Variants in PCDH15 observed in about 807,000 individuals in gnomAD.
The protein encoded by PCDH15 is protocadherin related 15.
A neutral mutation model predicts 178.5 loss-of-function variants in PCDH15; 129 were observed. The ratio of observed to expected loss-of-function variants is 0.72; its 90% CI spans 0.63 to 0.84. PCDH15 has a LOEUF of 0.84. PCDH15 is among the 40% of genes least tolerant of loss of function. The pLI is 0.00. For synonymous variants in PCDH15, 800 were observed against 732.0 expected (o/e 1.09, Z -1.50); for missense variants, 2,230 against 2,099.9 (o/e 1.06, Z -1.21).
At chr10:55,224,670 A>C (rs764876640) in intron 1 of PCDH15, among the ~76,000 whole-genome samples, 1 of 152,096 alleles carries the variant, frequency 6.6e-6, no homozygotes, top group Non-Finnish European at 1.5e-5. Context: ...GGGGCTCAAT[A>C]AATACTCACT....
At chr10:53,878,707 G>C (rs968167401) in intron 26 of PCDH15, among the ~76,000 whole-genome samples, 55 of 151,830 alleles carry the variant, frequency 3.6e-4, no homozygotes, top group African/African-American at 1.2e-3. Flanking sequence ...AATTTTGTGT[G>C]TCCATTATAC....
At chr10:54,338,625 A>T (rs1241344691) in intron 6 of PCDH15, among the ~76,000 whole-genome samples, 1 of 152,226 alleles carries the variant, frequency 6.6e-6, no homozygotes, top group East Asian at 1.9e-4. Flanking sequence ...GGAGGACTTG[A>T]TAAAAGATGT....
intron 5 of PCDH15, among the ~76,000 whole-genome samples, chr10:54,350,430 T>C (rs1943988054): frequency 6.6e-6 from 1 of 152,204 alleles, no homozygotes; most frequent in Non-Finnish European, 1.5e-5. Context: ...CATTCATATG[T>C]AAAATGCAAC....
At chr10:55,130,300 T>A (rs58407539) in intron 2 of PCDH15, among the ~76,000 whole-genome samples, 14,790 of 152,044 alleles carry the variant, frequency 0.097, 862 homozygotes, top group African/African-American at 0.16. Flanking sequence ...GTCATGCTTG[T>A]ATCTGGGGAG....
intron 11 of PCDH15, among the ~76,000 whole-genome samples, chr10:54,191,957 A>C (rs1273751410): frequency 1.4e-5 from 2 of 143,366 alleles, no homozygotes; most frequent in Admixed American, 1.4e-4. Flanking sequence ...AAAAGAAAAG[A>C]AAGAAGGAGA....
chr10:54,195,916 T>G (rs2049576555), intron 10 of PCDH15, 27 bp from the exon 11 acceptor site: 3 of 1,590,644 alleles, frequency 1.9e-6, no homozygotes, highest in Non-Finnish European at 2.6e-6. Flanking sequence ...AAGAAAATAT[T>G]TAGAAAGTAT....
At chr10:53,836,562 G>A (rs189919584) in intron 29 of PCDH15, among the ~76,000 whole-genome samples, 1 of 152,164 alleles carries the variant, frequency 6.6e-6, no homozygotes, top group Non-Finnish European at 1.5e-5. Context: ...ACCAATAAAA[G>A]AATTTTTGAA....
rs1162243245 is a variant in PCDH15 at position 54,424,136 on chromosome 10, G to C, written c.158-45194C>G. 4.0e-5 allele frequency among the ~76,000 whole-genome samples: 6 copies of C among 151,816 alleles called. 1 individual carries two copies. Among genetic ancestry groups the C allele is most frequent in the African/African-American group, 1.5e-4 (6 of 41,130 alleles). On this transcript the variant is annotated intron_variant, in intron 3 of 37. Transcript: ENST00000644397. ...TTATCTGACAAAGGGCTAATATCCA[G>C]AATCTACGAAGAACTCAAACAAATT...
At chr10:54,778,484 CCA>C in intron 1 of PCDH15, among the ~76,000 whole-genome samples, 1 of 152,164 alleles carries the variant, frequency 6.6e-6, no homozygotes, top group East Asian at 1.9e-4. Context: ...TGGAATGAAA[CCA>C]CAAAGTCTGT....
intron 1 of PCDH15, among the ~76,000 whole-genome samples, chr10:55,207,825 TG>T (rs1302169968): frequency 1.3e-5 from 2 of 151,960 alleles, no homozygotes; most frequent in Non-Finnish European, 2.9e-5. Context: ...AAAAATTAGC[TG>T]GGCGTGGTGG....
At chr10:54,702,755 C>A (rs1490643494) in intron 1 of PCDH15, among the ~76,000 whole-genome samples, 1 of 151,900 alleles carries the variant, frequency 6.6e-6, no homozygotes, top group Non-Finnish European at 1.5e-5. Flanking sequence ...CAGATATATC[C>A]ACAGCTGAAT....
rs2087064304 is a variant in PCDH15, at chr10:53,951,670, C to A, written c.3122+8062G>T. 2.6e-5 allele frequency among the ~76,000 whole-genome samples: 4 copies of A among 152,320 alleles called. No individual in the cohort carries two copies. In the South Asian group the frequency reaches 8.3e-4, roughly 32 times the overall value. ...ACAGTTGTAGAAAATGTCACAGGAT[C>A]CTTGGGATGTTGCTTTTCCAGTAGG... On this transcript the variant is annotated intron_variant, in intron 23 of 37. Transcript: ENST00000644397.
chr10:54,496,885 C>T (rs2080168719), intron 3 of PCDH15, among the ~76,000 whole-genome samples: 1 of 152,056 alleles, frequency 6.6e-6, no homozygotes, highest in Non-Finnish European at 1.5e-5. Context: ...ATAACTTTAC[C>T]CGTTCTGTAT....
intron 3 of PCDH15, among the ~76,000 whole-genome samples, chr10:54,442,919 G>A (rs1021451546): frequency 5.3e-5 from 8 of 151,384 alleles, no homozygotes; most frequent in South Asian, 4.2e-4. Context: ...TTATCCACTC[G>A]TCTTCCAACT....
chr10:53,988,758 AT>A (rs1356568997), intron 21 of PCDH15, among the ~76,000 whole-genome samples: 1 of 151,762 alleles, frequency 6.6e-6, no homozygotes, highest in East Asian at 1.9e-4. Context: ...ATTTCACTCA[AT>A]TTTCTTGGAA....
At chr10:55,180,911 G>A (rs571095475) in intron 1 of PCDH15, among the ~76,000 whole-genome samples, 6 of 152,010 alleles carry the variant, frequency 3.9e-5, no homozygotes, top group African/African-American at 7.2e-5. Flanking sequence ...TACCTTGGCT[G>A]TCATGTTCCT....
intron 2 of PCDH15, among the ~76,000 whole-genome samples, chr10:55,468,845 A>C (rs1313529417): frequency 6.6e-6 from 1 of 152,206 alleles, no homozygotes; most frequent in African/African-American, 2.4e-5. Flanking sequence ...CTTTAAAGCA[A>C]GAGAAGAATC....
chr10:54,480,494 A>T (rs951529623), intron 3 of PCDH15, among the ~76,000 whole-genome samples: 1 of 152,062 alleles, frequency 6.6e-6, no homozygotes, highest in African/African-American at 2.4e-5. Flanking sequence ...TCTGAAAAAA[A>T]GTGTTATTTG....
intron 18 of PCDH15, among the ~76,000 whole-genome samples, chr10:54,027,942 G>A (rs2093162950): frequency 6.6e-6 from 1 of 151,152 alleles, no homozygotes; most frequent in Non-Finnish European, 1.5e-5. Flanking sequence ...TTGACAAATG[G>A]GATCGAATTA....
Sources: allele counts gnomAD v4.1 joint callset (sites outside exome capture counted in the v4.1 genomes callset), GRCh38; gene constraint gnomAD v4.1.1; transcripts MANE v1.5; gene names NCBI Gene and HGNC (gene_info 2026-07-23, HGNC 2026-07-21).